PRKACA: variants seen among roughly 807,000 people sequenced by gnomAD.
PRKACA encodes protein kinase cAMP-activated catalytic subunit alpha.
In PRKACA, 9 loss-of-function variants were observed where a neutral mutation model predicts 45.8. The observed-to-expected ratio is 0.20, with a 90% confidence interval of 0.12 to 0.34. PRKACA has a LOEUF of 0.34. Among genes scored for constraint, PRKACA ranks in the 10% least tolerant of loss-of-function variants. PRKACA has a pLI of 1.00. For missense variants in PRKACA, 238 were observed against 458.6 expected, an observed-to-expected ratio of 0.52 and a Z score of 4.39; for synonymous variants, 160 against 178.6, an observed-to-expected ratio of 0.90 and a Z score of 0.83.
chr19:14,114,077 G>A, intron 1 of PRKACA: 1 of 1,565,846 alleles, frequency 6.4e-7, no homozygotes, highest in South Asian at 1.1e-5. Context: ...GCCCCTCCCT[G>A]ACTTAAGGGG....
At position 14,107,429 on chromosome 19, in the gene PRKACA, G is replaced by A; in HGVS notation, c.47-20C>T. 6.2e-7 allele frequency: 1 copy of A among 1,610,054 alleles called. No individual in the cohort carries two copies. Among genetic ancestry groups the A allele is most frequent in the East Asian group, 2.2e-5 (1 of 44,862 alleles). ...CTTTCACTGAAAGGGAGAGAGGGGA[G>A]AGTTATACAGAGACGCCCGTCTCAC... On this transcript the variant is annotated intron_variant, in intron 1 of 9. Coordinates refer to ENST00000308677, the MANE Select transcript of PRKACA (RefSeq NM_002730.4).
chr19:14,112,134 G>A (rs961992733), intron 1 of PRKACA: 1 of 152,856 alleles, frequency 6.5e-6, no homozygotes, highest in African/African-American at 2.4e-5. Flanking sequence ...CAGATTTGGG[G>A]ATGGGGCATG....
At chr19:14,099,216 C>A (rs1261362867) in intron 5 of PRKACA, among the ~76,000 whole-genome samples, 2 of 152,066 alleles carry the variant, frequency 1.3e-5, no homozygotes, top group Admixed American at 1.3e-4. Flanking sequence ...CACTTGAACC[C>A]GGGAGGCAGA....
Position 14,092,672 on chromosome 19 carries a change from C to A in PRKACA, c.*440G>T. On this transcript the variant is annotated 3_prime_UTR_variant, in exon 10 of 10. Coordinates refer to ENST00000308677, the MANE Select transcript of PRKACA (RefSeq NM_002730.4). ...CCGAAAGGAAGGTTGGCGCTTCGTT[C>A]ATTTGCCCTTAGCAAGTGGGGCCTG... 3.0e-6 allele frequency: 1 copy of A among 331,210 alleles called. No homozygotes were observed. The allele number at this position is 331,210 out of a possible 1,614,324, so 20.5% of individuals were successfully genotyped here. A position where few individuals can be genotyped will look rare whatever the true frequency, so the allele number is the denominator to read the frequency against.
chr19:14,093,386 G>A (rs1048998814), intron 9 of PRKACA, 149 bp from the exon 10 acceptor site: 78 of 1,185,282 alleles, frequency 6.6e-5, no homozygotes, highest in Admixed American at 3.4e-4. Flanking sequence ...TTAACAGCCC[G>A]AAACTCTTAA....
At chr19:14,107,506 C>T in intron 1 of PRKACA, 97 bp from the exon 2 acceptor site, 1 of 1,429,494 alleles carries the variant, frequency 7.0e-7, no homozygotes, top group Non-Finnish European at 9.7e-7. Context: ...AAGTGGGGTG[C>T]AGTTCCAACC....
chr19:14,114,212 C>T, intron 1 of PRKACA: 1 of 1,592,334 alleles, frequency 6.3e-7, no homozygotes, highest in Non-Finnish European at 8.6e-7. Flanking sequence ...GCTCATGAGA[C>T]CTGCCGTGTC....
intron 5 of PRKACA, among the ~76,000 whole-genome samples, chr19:14,099,200 G>A (rs575748847): frequency 6.6e-6 from 1 of 152,274 alleles, no homozygotes; most frequent in African/African-American, 2.4e-5. Flanking sequence ...GCTGAGACAA[G>A]AGAATCACTT....
intron 8 of PRKACA, among the ~76,000 whole-genome samples, chr19:14,095,802 C>A (rs1046261796): frequency 6.6e-5 from 10 of 152,228 alleles, no homozygotes; most frequent in Non-Finnish European, 1.2e-4. Context: ...AGGTGTGAGC[C>A]ACCGCGCCTG....
At chr19:14,100,749 T>A (rs1599339644) in intron 5 of PRKACA, 77 bp downstream of exon 5, 47 of 1,447,412 alleles carry the variant, frequency 3.2e-5, no homozygotes, top group African/African-American at 7.0e-5. Context: ...CTCCTCTGCA[T>A]TCCCAGGGGG....
Position 14,096,124 on chromosome 19 carries a change from C to T in PRKACA, c.765+1237G>A, listed in dbSNP as rs558524669. 6.7e-5 allele frequency among the ~76,000 whole-genome samples: 10 copies of T among 149,212 alleles called. No homozygotes were observed. In the South Asian group the frequency reaches 1.9e-3, roughly 29 times the overall value. ...TGTGATCTTGGCTCACTGCAACCTCCGCCTCCTGGGTTCAAGTGATTCTCC... is the reference window on the plus strand; with the variant it reads ...TGTGATCTTGGCTCACTGCAACCTCTGCCTCCTGGGTTCAAGTGATTCTCC... On this transcript the variant is annotated intron_variant, in intron 8 of 9. Coordinates refer to ENST00000308677, the MANE Select transcript of PRKACA (RefSeq NM_002730.4).
chr19:14,093,046 T>TGGGCG lies in PRKACA; in HGVS notation c.*65_*66insCGCCC. The TGGGCG allele has an allele frequency of 2.1e-4, 18 of 85,304 alleles. No homozygotes were observed. The highest frequency in any genetic ancestry group is 3.5e-4 in the Non-Finnish European group (16 of 45,344). The allele number at this position is 85,304 out of a possible 1,614,324, so 5.3% of individuals were successfully genotyped here. A position where few individuals can be genotyped will look rare whatever the true frequency, so the allele number is the denominator to read the frequency against. On this transcript the variant is annotated 3_prime_UTR_variant, in exon 10 of 10. Transcript: ENST00000308677. ...GCCCTCTGGCTGTTCAATCCAACCCTCCCACCCCCCCGACCAAAAAAAAGA... is the reference window on the plus strand; with the variant it reads ...GCCCTCTGGCTGTTCAATCCAACCCTGGGCGCCCACCCCCCCGACCAAAAAAAAGA...
chr19:14,093,328 A>G (rs1404852059), intron 9 of PRKACA, 91 bp from the exon 10 acceptor site: 3 of 1,500,280 alleles, frequency 2.0e-6, no homozygotes, highest in Non-Finnish European at 2.7e-6. Context: ...TTCAAGAGAT[A>G]TTTACTCTGA....
rs1210589905 is a variant in PRKACA at position 14,092,014 on chromosome 19, CTGG to C, written c.*1095_*1097del. On this transcript the variant is annotated 3_prime_UTR_variant, in exon 10 of 10. Transcript: ENST00000308677. ...GCGCCCAGGATGGGGGAGGCGGAAGCTGGTGGGTGAGTAAAACAGGCAGCCCCT... is the reference window on the plus strand; with the variant it reads ...GCGCCCAGGATGGGGGAGGCGGAAGCTGGGTGAGTAAAACAGGCAGCCCCT... The C allele has an allele frequency of 1.3e-5, 2 of 152,292 alleles. No individual in the cohort carries two copies. Among genetic ancestry groups the C allele is most frequent in the Non-Finnish European group, 2.9e-5 (2 of 68,122 alleles). The allele number at this position is 152,292 out of a possible 1,614,324, so 9.4% of individuals were successfully genotyped here. A position where few individuals can be genotyped will look rare whatever the true frequency, so the allele number is the denominator to read the frequency against.
rs1160438429 is a variant in PRKACA, at chr19:14,117,628, GGGC to G, written c.-84_-82del. On this transcript the variant is annotated 5_prime_UTR_variant, in exon 1 of 10. Transcript: ENST00000308677. ...GCGGCCGGCGGCCCCGGAGCGCGCT[GGGC>G]GGCGGCGGCGGCGGCCCTCGGGCTG... The G allele has an allele frequency of 2.0e-4, 170 of 858,196 alleles. No individual in the cohort carries two copies. Among genetic ancestry groups the G allele is most frequent in the Middle Eastern group, 5.9e-4 (1 of 1,704 alleles). 53.2% of individuals were successfully genotyped at this position (858,196 alleles called of 1,614,324 possible). A position where few individuals can be genotyped will look rare whatever the true frequency, so the allele number is the denominator to read the frequency against.
rs41296248 is a variant in PRKACA at position 14,114,987 on chromosome 19, ACTGCCC to A, written c.46+2509_46+2514del. ...GTGCCCCCTGCAGGCTGGCCTGGCT[ACTGCCC>A]CTGCCCCTGCCCCACCCTTCTAAGA... On this transcript the variant is annotated intron_variant, in intron 1 of 9. Transcript: ENST00000308677. Among the ~76,000 whole-genome samples the A allele has an allele frequency of 3.6e-3, 554 of 152,264 alleles. 5 individuals are homozygous for A. Among genetic ancestry groups the A allele is most frequent in the African/African-American group, 0.013 (535 of 41,548 alleles).
chr19:14,094,810 G>C (rs993683117), intron 8 of PRKACA, among the ~76,000 whole-genome samples: 3 of 152,192 alleles, frequency 2.0e-5, no homozygotes, highest in Admixed American at 6.5e-5. Context: ...CATAGCTAAG[G>C]CTCTTCCGTT....
chr19:14,107,915 C>T, intron 1 of PRKACA: 1 of 988,452 alleles, frequency 1.0e-6, no homozygotes, highest in Non-Finnish European at 1.2e-6. Context: ...GGGCATTGCT[C>T]CAGAGCTGGT....
intron 2 of PRKACA, 84 bp from the exon 3 acceptor site, chr19:14,106,972 C>T (rs1026008368): frequency 1.6e-5 from 24 of 1,544,378 alleles, no homozygotes; most frequent in Middle Eastern, 2.3e-4. Flanking sequence ...CCTCTGCCAC[C>T]GGCAGAGGGG....
Sources: gnomAD v4.1 joint callset for allele counts (sites outside exome capture counted in the v4.1 genomes callset) on GRCh38, gnomAD v4.1.1 for gene constraint, MANE v1.5 for transcripts, NCBI Gene and HGNC (gene_info 2026-07-23, HGNC 2026-07-21) for gene names.